The following CLPTM1L variants were observed in gnomAD, a reference collection of about 807,000 sequenced individuals.
CLPTM1L encodes CLPTM1 like.
CLPTM1L carries 38 observed loss-of-function variants against 70.9 expected under a neutral mutation model. The ratio of observed to expected loss-of-function variants is 0.54; its 90% CI spans 0.41 to 0.70. The LOEUF (loss-of-function observed/expected upper bound fraction) is 0.70, where lower values mean the gene tolerates loss of function less well. Ranked by LOEUF, CLPTM1L falls within the 30% of genes least tolerant of loss-of-function variation. The pLI is 0.00. For missense variants in CLPTM1L, 652 were observed against 705.9 expected, an observed-to-expected ratio of 0.92 and a Z score of 0.87; for synonymous variants, 339 against 299.9, an observed-to-expected ratio of 1.13 and a Z score of -1.35.
chr5:1,335,345 A>C (rs1753504749), intron 5 of CLPTM1L, among the ~76,000 whole-genome samples, 171 bp from the exon 6 acceptor site: 1 of 152,146 alleles, frequency 6.6e-6, no homozygotes, highest in South Asian at 2.1e-4. Flanking sequence ...CACAGGCCTC[A>C]GGCCCCAGCG....
intron 13 of CLPTM1L, 117 bp from the exon 14 acceptor site, chr5:1,321,936 G>C: frequency 1.1e-6 from 1 of 892,552 alleles, no homozygotes; most frequent in Non-Finnish European, 1.8e-6. Flanking sequence ...ATAGTGGGCA[G>C]AAAACAAGGT....
At position 1,337,923 on chromosome 5, in the gene CLPTM1L, T is replaced by C. The variant is rs1445704425; in HGVS notation, c.659A>G (p.Asn220Ser). The stretch of plus-strand genomic sequence containing the variant: ...ACTCACCATCAGGTCCTTCACGCGG[T>C]TGCTGAGCTGGTCGATGAACAGGAT... Reference protein sequence around the residue: ...LPILFIDQLSNRVKDLMVINR... With the variant: ...LPILFIDQLSSRVKDLMVINR... The change falls in exon 5 of 17, where the codon AAC (asparagine) becomes AGC (serine). Residue 220 changes from asparagine (N) to serine (S), a missense_variant. By Grantham distance (46) the Asn-to-Ser change is conservative. This residue lies in a region of CLPTM1L where 402 missense variants were observed against 388.2 expected (regional missense o/e 1.04). Transcript: ENST00000320895. 8.7e-6 allele frequency: 14 copies of C among 1,604,664 alleles called. No homozygotes were observed. Among genetic ancestry groups the C allele is most frequent in the East Asian group, 2.2e-5 (1 of 44,536 alleles).
At chr5:1,340,722 CTCTCTT>C (rs1753886624) in intron 3 of CLPTM1L, among the ~76,000 whole-genome samples, 1 of 152,206 alleles carries the variant, frequency 6.6e-6, no homozygotes, top group Non-Finnish European at 1.5e-5. Context: ...TCCGAGAGAC[CTCTCTT>C]TCTCTCTGTC....
In CLPTM1L at chr5:1,344,885, C is replaced by A; in HGVS notation, c.-44G>T. The A allele has an allele frequency of 9.2e-7, 1 of 1,083,260 alleles. No homozygotes were observed. 67.1% of individuals were successfully genotyped at this position (1,083,260 alleles called of 1,614,324 possible). ...GCCCCCGGCCCGCCCGCCTCTCAGCCGCGAGCCCCGCCCGCCCGGCGCCCA... is the reference window on the plus strand; with the variant it reads ...GCCCCCGGCCCGCCCGCCTCTCAGCAGCGAGCCCCGCCCGCCCGGCGCCCA... On this transcript the variant is annotated 5_prime_UTR_variant, in exon 1 of 17. Transcript: ENST00000320895.
rs201688571 is a variant in CLPTM1L, at chr5:1,334,390, AG to A, written c.797-8del. 2.6e-6 allele frequency: 4 copies of A among 1,510,522 alleles called. No homozygotes were observed. Among genetic ancestry groups the A allele is most frequent in the Non-Finnish European group, 3.6e-6 (4 of 1,108,194 alleles). The allele number at this position is 1,510,522 out of a possible 1,614,324, so 93.6% of individuals were successfully genotyped here. A position where few individuals can be genotyped will look rare whatever the true frequency, so the allele number is the denominator to read the frequency against. ...GCATCTTTCTCTGAAAACCCTGTCA[AG>A]GAAAAAAAAACATACAATATAAAAC... On this transcript the variant is annotated splice_polypyrimidine_tract_variant and splice_region_variant and intron_variant, in intron 6 of 16. Coordinates refer to ENST00000320895, the MANE Select transcript of CLPTM1L (RefSeq NM_030782.5).
intron 3 of CLPTM1L, among the ~76,000 whole-genome samples, chr5:1,341,204 C>T (rs1753916857): frequency 6.6e-6 from 1 of 152,228 alleles, no homozygotes; most frequent in Non-Finnish European, 1.5e-5. Flanking sequence ...TACAGATGTA[C>T]AAACTACAAC....
intron 16 of CLPTM1L, among the ~76,000 whole-genome samples, chr5:1,319,213 C>G (rs139720941): frequency 1.3e-5 from 2 of 152,124 alleles, no homozygotes; most frequent in African/African-American, 4.8e-5. Context: ...AGGGGGCAGG[C>G]GGCCAGCTGG....
At chr5:1,344,264 CATGTT>C (rs1179717731) in intron 2 of CLPTM1L, 82 bp downstream of exon 2, 2 of 893,916 alleles carry the variant, frequency 2.2e-6, no homozygotes, top group Non-Finnish European at 3.7e-6. Context: ...CTAAAATAAA[CATGTT>C]ATGTACAGAA....
Position 1,331,764 on chromosome 5 carries a change from G to C in CLPTM1L, c.976+35C>G, listed in dbSNP as rs149130584. On this transcript the variant is annotated intron_variant, in intron 8 of 16. Coordinates refer to ENST00000320895, the MANE Select transcript of CLPTM1L (RefSeq NM_030782.5). Reference sequence around the variant, plus strand: ...AGGCTCCAGTGAGCTCCCTGGGGCAGAGTATCTGAGCAGGGCCACGCTCGG... The same window carrying C: ...AGGCTCCAGTGAGCTCCCTGGGGCACAGTATCTGAGCAGGGCCACGCTCGG... The C allele has an allele frequency of 3.0e-5, 48 of 1,587,034 alleles. No individual in the cohort carries two copies. In the African/African-American group the frequency reaches 6.0e-4, roughly 20 times the overall value.
At chr5:1,338,715 A>C in intron 4 of CLPTM1L, 145 bp downstream of exon 4, 2 of 832,510 alleles carry the variant, frequency 2.4e-6, no homozygotes, top group Non-Finnish European at 3.8e-6. Flanking sequence ...TCAATGAGGA[A>C]GTGGGAAAGA....
At chr5:1,325,479 G>A in intron 10 of CLPTM1L, 1 of 518,284 alleles carries the variant, frequency 1.9e-6, no homozygotes. Flanking sequence ...CACACGTGCT[G>A]GCCAGCCAGC....
rs1751959272 is a variant in CLPTM1L, at chr5:1,318,410, A to G, written c.1576T>C (p.Ser526Pro). 6.2e-7 allele frequency: 1 copy of G among 1,613,502 alleles called. No homozygotes were observed. Among genetic ancestry groups the G allele is most frequent in the African/African-American group, 1.3e-5 (1 of 74,888 alleles). Residue 526 changes from serine (S) to proline (P), a missense_variant, in exon 17 of 17, where the codon TCC (serine) becomes CCC (proline). Coordinates refer to ENST00000320895, the MANE Select transcript of CLPTM1L (RefSeq NM_030782.5). The surrounding 1 kb of genome is among the most constrained non-coding windows in gnomAD (Gnocchi z 8.9). Reference sequence around the variant, plus strand: ...GCCCGCGTGGCCTTCTCCTCGTAGGACTCCCCAAACTCGTTCACTCTGCGT... The same window carrying G: ...GCCCGCGTGGCCTTCTCCTCGTAGGGCTCCCCAAACTCGTTCACTCTGCGT... ...DKRRVNEFGESYEEKATRAPH... is the reference protein window; with the variant it reads ...DKRRVNEFGEPYEEKATRAPH...
intron 7 of CLPTM1L, among the ~76,000 whole-genome samples, chr5:1,333,709 G>C (rs1398938959): frequency 2.8e-5 from 2 of 71,486 alleles, no homozygotes; most frequent in African/African-American, 5.0e-5. Flanking sequence ...AGAGGATAAG[G>C]GGGGACTACT....
chr5:1,322,795 A>G (rs1337574737), intron 13 of CLPTM1L, 82 bp downstream of exon 13: 8 of 1,428,616 alleles, frequency 5.6e-6, no homozygotes, highest in Non-Finnish European at 6.9e-6. Context: ...GGGGCTTGCC[A>G]CACTGGGTTT....
Position 1,341,752 on chromosome 5 carries a change from C to T in CLPTM1L, c.372G>A (p.Val124=), listed in dbSNP as rs755943651. ...GVLPWHDGKQ[V]HLVSPLTTYM... ...AGGTGGTCAGAGGACTGACCAGGTG[C>T]ACCTGCTTCCCGTCGTGCCACGGCA... The change falls in exon 3 of 17, where the codon GTG becomes GTA. Residue 124 remains valine, a synonymous_variant. Transcript: ENST00000320895. 2 of 1,614,076 alleles carry T rather than the reference C, an allele frequency of 1.2e-6. No individual in the cohort carries two copies. Among genetic ancestry groups the T allele is most frequent in the East Asian group, 2.2e-5 (1 of 44,866 alleles).
intron 16 of CLPTM1L, among the ~76,000 whole-genome samples, chr5:1,319,167 C>T (rs1752001688): frequency 6.6e-6 from 1 of 152,174 alleles, no homozygotes; most frequent in African/African-American, 2.4e-5. Context: ...GCAGCAGCGT[C>T]CGGGGCTCCG....
At chr5:1,332,573 G>A (rs1184211699) in intron 7 of CLPTM1L, among the ~76,000 whole-genome samples, 1 of 152,224 alleles carries the variant, frequency 6.6e-6, no homozygotes, top group Non-Finnish European at 1.5e-5. Context: ...CCACAAGGAT[G>A]GCTCTCCCTA....
At chr5:1,336,315 A>G (rs937957437) in intron 5 of CLPTM1L, among the ~76,000 whole-genome samples, 2 of 152,220 alleles carry the variant, frequency 1.3e-5, no homozygotes, top group Non-Finnish European at 2.9e-5. Flanking sequence ...GAGACACAGC[A>G]ACAGCGACAC....
intron 7 of CLPTM1L, among the ~76,000 whole-genome samples, chr5:1,333,157 G>A (rs1753245277): frequency 1.1e-5 from 1 of 95,200 alleles, no homozygotes; most frequent in Non-Finnish European, 2.1e-5. Flanking sequence ...CACACCGGAT[G>A]AGGATAAGGG....
Sources: gnomAD v4.1 joint callset for allele counts (sites outside exome capture counted in the v4.1 genomes callset) on GRCh38, gnomAD v4.1.1 for gene constraint, gnomAD v4.1.1 regional missense constraint, Gnocchi (gnomAD v3.1) non-coding constraint, MANE v1.5 for transcripts, NCBI Gene and HGNC (gene_info 2026-07-23, HGNC 2026-07-21) for gene names.